SORBS2: variants seen among roughly 807,000 people sequenced by gnomAD.
The protein encoded by SORBS2 is sorbin and SH3 domain containing 2.
A neutral mutation model predicts 97.7 loss-of-function variants in SORBS2; 46 were observed. The ratio of observed to expected loss-of-function variants is 0.47; its 90% CI spans 0.37 to 0.60. The LOEUF (loss-of-function observed/expected upper bound fraction) is 0.60. Ranked by LOEUF, SORBS2 falls within the 20% of genes least tolerant of loss-of-function variation. The pLI, the probability that SORBS2 is intolerant of heterozygous loss-of-function variation, is 0.00. For missense variants in SORBS2, 1,316 were observed against 1,282.3 expected (o/e 1.03, Z -0.40); for synonymous variants, 476 against 473.4 (o/e 1.01, Z -0.07).
chr4:185,861,598 T>A (rs2099223782), intron 1 of SORBS2, among the ~76,000 whole-genome samples: 1 of 112,456 alleles, frequency 8.9e-6, no homozygotes, highest in Admixed American at 8.3e-5. Flanking sequence ...ATCTGACTTC[T>A]ATTTTTTTTT....
At chr4:185,887,306 T>C (rs761369024) in intron 1 of SORBS2, among the ~76,000 whole-genome samples, 1 of 152,204 alleles carries the variant, frequency 6.6e-6, no homozygotes, top group Non-Finnish European at 1.5e-5. Context: ...GAGGAAGTCT[T>C]TGAGCAAGCG....
chr4:185,756,719 C>CTTTTTTTTTTTTTTT (rs56955640), intron 2 of SORBS2, among the ~76,000 whole-genome samples: 1 of 131,598 alleles, frequency 7.6e-6, no homozygotes, highest in Non-Finnish European at 1.6e-5. Flanking sequence ...ACTGTTAAAG[C>CTTTTTTTTTTTTTTT]TTTTTTTTTT....
chr4:185,626,737 T>A, intron 6 of SORBS2, 95 bp downstream of exon 18: 3 of 1,136,672 alleles, frequency 2.6e-6, no homozygotes, highest in Non-Finnish European at 4.0e-6. Flanking sequence ...AGGTGAGAGC[T>A]GGCACATGCC....
At chr4:185,777,001 T>G (rs988181380) in intron 1 of SORBS2, among the ~76,000 whole-genome samples, 5 of 152,002 alleles carry the variant, frequency 3.3e-5, no homozygotes, top group African/African-American at 1.2e-4. Context: ...TCTTTGCCAT[T>G]AAAGAAAGAC....
chr4:185,651,760 T>A (rs982332880), intron 2 of SORBS2, 24 bp downstream of exon 11: 1 of 1,371,222 alleles, frequency 7.3e-7, no homozygotes, highest in African/African-American at 1.4e-5. Context: ...AAATAGTCAT[T>A]GCGAGCAAGG....
intron 2 of SORBS2, among the ~76,000 whole-genome samples, chr4:185,651,314 C>T (rs912126999): frequency 2.6e-5 from 4 of 152,142 alleles, no homozygotes; most frequent in African/African-American, 9.7e-5. Flanking sequence ...GAAAAGTGGC[C>T]CCGCCAAGGG....
intron 2 of SORBS2, among the ~76,000 whole-genome samples, chr4:185,700,265 C>G (rs2098241471): frequency 6.6e-6 from 1 of 151,304 alleles, no homozygotes; most frequent in Admixed American, 6.6e-5. Flanking sequence ...TGGGCTCCAG[C>G]TGCCTCACTT....
chr4:185,704,582 G>A lies in SORBS2; in HGVS notation c.-197-25760C>T, dbSNP rs563352951. 1.8e-3 allele frequency among the ~76,000 whole-genome samples: 274 copies of A among 152,198 alleles called. 1 individual carries two copies. The highest frequency in any genetic ancestry group is 6.3e-3 in the African/African-American group (262 of 41,484). ...GATCCACCCCCCTCGGCCTCCCAAA[G>A]TGCTGGGATTACAGGCGTGAGCCAC... is the stretch of plus-strand genomic sequence containing the variant. On this transcript the variant is annotated intron_variant, in intron 2 of 20. Transcript: ENST00000284776.
intron 1 of SORBS2, among the ~76,000 whole-genome samples, chr4:185,777,364 A>G (rs2099004949): frequency 6.6e-6 from 1 of 152,196 alleles, no homozygotes; most frequent in Admixed American, 6.5e-5. Flanking sequence ...TGGAATGGTA[A>G]TTCTACTGGT....
chr4:185,901,476 TTACAGGTGTGAGC>T (rs1203481131), intron 1 of SORBS2, among the ~76,000 whole-genome samples: 2 of 152,164 alleles, frequency 1.3e-5, no homozygotes, highest in Non-Finnish European at 2.9e-5. Context: ...GGTGCTGAGA[TTACAGGTGTGAGC>T]TACCACGCCT....
intron 1 of SORBS2, among the ~76,000 whole-genome samples, chr4:185,894,836 G>T (rs2099244227): frequency 6.6e-6 from 1 of 152,162 alleles, no homozygotes; most frequent in South Asian, 2.1e-4. Context: ...CAGACTCTCA[G>T]AGAATGAAGG....
At chr4:185,704,369 A>T (rs1033412609) in intron 2 of SORBS2, among the ~76,000 whole-genome samples, 3 of 152,028 alleles carry the variant, frequency 2.0e-5, no homozygotes, top group Non-Finnish European at 4.4e-5. Flanking sequence ...CCCAGGCTGG[A>T]GTGCAGTGGC....
At chr4:185,602,147 T>C (rs768901147) in intron 12 of SORBS2, among the ~76,000 whole-genome samples, 3 of 152,120 alleles carry the variant, frequency 2.0e-5, no homozygotes, top group African/African-American at 4.8e-5. Context: ...GTAGCTGGGA[T>C]TACAGGCACC....
chr4:185,793,307 T>C (rs1022690341), intron 1 of SORBS2, among the ~76,000 whole-genome samples: 50 of 152,364 alleles, frequency 3.3e-4, no homozygotes, highest in African/African-American at 1.2e-3. Context: ...ATGGCTGTTC[T>C]TTGGGAATAA....
At chr4:185,656,662 G>A (rs193081084) in exon 1 of SORBS2, 220 of 1,550,618 alleles carry the variant, frequency 1.4e-4, no homozygotes, top group South Asian at 5.6e-4. Flanking sequence ...TCCTTCTCCC[G>A]GCTGGCACAA....
chr4:185,738,598 A>G (rs993432230), intron 2 of SORBS2, among the ~76,000 whole-genome samples: 1 of 152,158 alleles, frequency 6.6e-6, no homozygotes, highest in Admixed American at 6.5e-5. Context: ...CATGTCCAGG[A>G]TTTTTTCTTT....
chr4:185,642,769 T>C (rs911660493), intron 4 of SORBS2, among the ~76,000 whole-genome samples: 1 of 152,220 alleles, frequency 6.6e-6, no homozygotes, highest in African/African-American at 2.4e-5. Flanking sequence ...AAGATTTTTG[T>C]TCAAACAGTA....
At chr4:185,657,753 CTG>C, upstream of SORBS2, among the ~76,000 whole-genome samples, 1 of 152,254 alleles carries the variant, frequency 6.6e-6, no homozygotes, top group Middle Eastern at 3.4e-3. Context: ...CTGGTGGAAA[CTG>C]TGTAGGTGTG....
intron 12 of SORBS2, among the ~76,000 whole-genome samples, chr4:185,599,577 C>A (rs2096206167): frequency 6.6e-6 from 1 of 152,140 alleles, no homozygotes; most frequent in Non-Finnish European, 1.5e-5. Context: ...AATTGAATGA[C>A]ACAGAAGCAA....
Sources: gnomAD v4.1 joint callset for allele counts (sites outside exome capture counted in the v4.1 genomes callset) on GRCh38, gnomAD v4.1.1 for gene constraint, MANE v1.5 for transcripts, NCBI Gene and HGNC (gene_info 2026-07-23, HGNC 2026-07-21) for gene names.